Variants in PCDH1 observed in about 807,000 individuals in gnomAD.
PCDH1 encodes protocadherin 1, also known as protocadherin-1.
Under a neutral mutation model 74.6 loss-of-function variants are expected in PCDH1, and 23 were observed. That is an observed-to-expected ratio of 0.31 (90% CI 0.22 to 0.44). The LOEUF (loss-of-function observed/expected upper bound fraction) is 0.44, where lower values mean the gene tolerates loss of function less well. Among genes scored for constraint, PCDH1 ranks in the 20% least tolerant of loss-of-function variants. The pLI is 1.00. For synonymous variants in PCDH1, 647 were observed against 686.1 expected (o/e 0.94, Z 0.89); for missense variants, 1,214 against 1,641.4 (o/e 0.74, Z 4.50).
intron 3 of PCDH1, chr5:141,862,991 C>T: frequency 7.9e-7 from 1 of 1,260,286 alleles, no homozygotes. Context: ...ACAGGTCTCT[C>T]CCCAGTGGGG....
intron 4 of PCDH1, 133 bp from the exon 5 acceptor site, chr5:141,854,569 C>T: frequency 2.4e-6 from 2 of 847,066 alleles, no homozygotes; most frequent in South Asian, 1.9e-5. Flanking sequence ...GCTGAACTCA[C>T]AGGCACACAC....
chr5:141,853,742 G>T lies in PCDH1; in HGVS notation c.*300C>A, dbSNP rs1439725490. On this transcript the variant is annotated 3_prime_UTR_variant, in exon 5 of 5. Coordinates refer to ENST00000287008, the MANE Select transcript of PCDH1 (RefSeq NM_032420.5). The stretch of plus-strand genomic sequence containing the variant: ...TCCACCATCTGCCCAAATCGAGGGG[G>T]TGCTCCCTGGAAGTCAAGGGAAGGA... The T allele has an allele frequency of 3.1e-6, 1 of 318,580 alleles. No homozygotes were observed. Among genetic ancestry groups the T allele is most frequent in the Middle Eastern group, 8.2e-4 (1 of 1,214 alleles). 19.7% of individuals were successfully genotyped at this position (318,580 alleles called of 1,614,324 possible). A position where few individuals can be genotyped will look rare whatever the true frequency, so the allele number is the denominator to read the frequency against.
At position 141,864,630 on chromosome 5, in the gene PCDH1, C is replaced by G. The variant is rs759753996; in HGVS notation, c.1701G>C (p.Lys567Asn). The change falls in exon 3 of 5, where the codon AAG becomes AAC. Residue 567 changes from lysine to asparagine, a missense_variant. This residue lies in a region of PCDH1 where 836 missense variants were observed against 1,182.2 expected (regional missense o/e 0.71). Transcript: ENST00000287008. This position sits in a 1 kb window ranked among gnomAD's most constrained non-coding sequence, Gnocchi z 5.9. ...ISPETGEIQV[K>N]TSLDREQRES... ...CCCGCTGTTCCCGATCCAGAGATGT[C>G]TTCACCTGGATCTCTCCAGTCTCGG... The G allele has an allele frequency of 4.3e-6, 7 of 1,613,712 alleles. No homozygotes were observed. Among genetic ancestry groups the G allele is most frequent in the Non-Finnish European group, 5.9e-6 (7 of 1,180,036 alleles).
At chr5:141,875,723 G>C (rs548514333) in intron 1 of PCDH1, among the ~76,000 whole-genome samples, 2 of 152,278 alleles carry the variant, frequency 1.3e-5, no homozygotes, top group African/African-American at 4.8e-5. Context: ...AATGCGGCCA[G>C]AACTGAATCC....
Position 141,853,973 on chromosome 5 carries a change from G to A in PCDH1, c.*69C>T. Reference sequence around the variant, plus strand: ...CCACGCTGAAGGGGTGGAGAGTGAGGCCCTGGAATGGGCCATTTGGGAGCT... The same window carrying A: ...CCACGCTGAAGGGGTGGAGAGTGAGACCCTGGAATGGGCCATTTGGGAGCT... On this transcript the variant is annotated 3_prime_UTR_variant, in exon 5 of 5. Transcript: ENST00000287008. 1.5e-6 allele frequency: 2 copies of A among 1,357,716 alleles called. No homozygotes were observed. The highest frequency in any genetic ancestry group is 5.0e-5 in the East Asian group (2 of 40,310). The allele number at this position is 1,357,716 out of a possible 1,614,324, so 84.1% of individuals were successfully genotyped here. A position where few individuals can be genotyped will look rare whatever the true frequency, so the allele number is the denominator to read the frequency against.
chr5:141,857,839 TC>T (rs1372010919), intron 3 of PCDH1, among the ~76,000 whole-genome samples: 2 of 152,090 alleles, frequency 1.3e-5, no homozygotes, highest in African/African-American at 4.8e-5. Flanking sequence ...CTCCCTTTAA[TC>T]CCAGAATGAC....
chr5:141,867,644 C>T (rs1303224735), intron 2 of PCDH1: 1 of 445,166 alleles, frequency 2.2e-6, no homozygotes, highest in African/African-American at 2.1e-5. Flanking sequence ...CTGAAACTCC[C>T]ACCCATCTCC....
chr5:141,864,702 G>A lies in PCDH1; in HGVS notation c.1629C>T (p.Tyr543=), dbSNP rs1469831153. Residue 543 remains tyrosine (Y), a synonymous_variant, in exon 3 of 5, where the codon TAC becomes TAT. Coordinates refer to ENST00000287008, the MANE Select transcript of PCDH1 (RefSeq NM_032420.5). This position sits in a 1 kb window ranked among gnomAD's most constrained non-coding sequence, Gnocchi z 5.9. ...ADSGSNAELV[Y]SLEPEPAAKG... ...TAGCAGCCGGCTCAGGCTCCAGAGA[G>A]TAAACCAGCTCAGCATTAGAGCCAG... The A allele has an allele frequency of 6.2e-7, 1 of 1,614,194 alleles. No individual in the cohort carries two copies. Among genetic ancestry groups the A allele is most frequent in the Non-Finnish European group, 8.5e-7 (1 of 1,180,042 alleles).
rs908772761 is a variant in PCDH1 at position 141,868,427 on chromosome 5, C to T, written c.903+142G>A. The T allele has an allele frequency of 1.4e-6, 2 of 1,416,082 alleles. No individual in the cohort carries two copies. Among genetic ancestry groups the T allele is most frequent in the Admixed American group, 3.2e-5 (1 of 30,832 alleles). The allele number at this position is 1,416,082 out of a possible 1,614,324, so 87.7% of individuals were successfully genotyped here. On this transcript the variant is annotated intron_variant, in intron 2 of 4. Transcript: ENST00000287008. The surrounding 1 kb of genome is among the most constrained non-coding windows in gnomAD (Gnocchi z 4.8). ...CTGGGGTGGGGTGGGAAAGACTCCC[C>T]TGGCTGAGTTTGGGGAGAAGGGGTC...
chr5:141,871,821 T>C (rs534340003), intron 1 of PCDH1, among the ~76,000 whole-genome samples: 1 of 152,290 alleles, frequency 6.6e-6, no homozygotes, highest in Admixed American at 6.5e-5. Flanking sequence ...AGGCTTAGCC[T>C]TTCCTGGTAC....
At position 141,869,364 on chromosome 5, in the gene PCDH1, C is replaced by T. The variant is rs371831289; in HGVS notation, c.108G>A (p.Arg36=). The T allele has an allele frequency of 5.0e-6, 8 of 1,596,466 alleles. No homozygotes were observed. The highest frequency in any genetic ancestry group is 6.8e-6 in the Non-Finnish European group (8 of 1,175,076). Residue 36 remains arginine (R), a synonymous_variant, in exon 2 of 5, where the codon CGG becomes CGA. Transcript: ENST00000287008. This position sits in a 1 kb window ranked among gnomAD's most constrained non-coding sequence, Gnocchi z 4.9. ...CTAGCAGCATGGAGGGCAGCAGTAG[C>T]CGTTGCCCCCCAGGGCCTGGGCTGT... ...LRHSPGPGGQ[R]LLLPSMLLAL...
chr5:141,865,086 G>A lies in PCDH1; in HGVS notation c.1245C>T (p.Ala415=). ...SEDVAEETAV[A]LVQVSDRDEG... ...CATCTCGGTCAGACACCTGCACCAG[G>A]GCCACAGCTGTCTCCTCTGCCACAT... Residue 415 remains alanine (A), a synonymous_variant, in exon 3 of 5, where the codon GCC becomes GCT. Coordinates refer to ENST00000287008, the MANE Select transcript of PCDH1 (RefSeq NM_032420.5). The surrounding 1 kb of genome is among the most constrained non-coding windows in gnomAD (Gnocchi z 4.4). The A allele has an allele frequency of 6.2e-7, 1 of 1,614,112 alleles. No homozygotes were observed. The highest frequency in any genetic ancestry group is 1.1e-5 in the South Asian group (1 of 91,070).
At position 141,876,527 on chromosome 5, in the gene PCDH1, C is replaced by T. The variant is rs2126835081; in HGVS notation, c.40+1696G>A. 3.3e-5 allele frequency among the ~76,000 whole-genome samples: 5 copies of T among 152,372 alleles called. No individual in the cohort carries two copies. The Middle Eastern group carries it at 0.017, about 518-fold the overall frequency. ...TGCCCTACGCTCAATCCTCCAAGGC[C>T]TCAGTGCCGCCCCCAGTCTTTCCTG... On this transcript the variant is annotated intron_variant, in intron 1 of 4. Transcript: ENST00000287008.
At position 141,874,215 on chromosome 5, in the gene PCDH1, C is replaced by T. The variant is rs182349233; in HGVS notation, c.40+4008G>A. Among the ~76,000 whole-genome samples the T allele has an allele frequency of 3.8e-4, 58 of 152,288 alleles. 2 individuals carry two copies. The East Asian group carries it at 8.7e-3, about 23-fold the overall frequency. On this transcript the variant is annotated intron_variant, in intron 1 of 4. Coordinates refer to ENST00000287008, the MANE Select transcript of PCDH1 (RefSeq NM_032420.5). Reference sequence around the variant, plus strand: ...GGCTGCTGCTGTTCACCCAGGGGCCCGTAGAAATGCAGGAAGAGAGCCAGG... The same window carrying T: ...GGCTGCTGCTGTTCACCCAGGGGCCTGTAGAAATGCAGGAAGAGAGCCAGG...
Position 141,868,069 on chromosome 5 carries a change from C to T in PCDH1, c.903+500G>A, listed in dbSNP as rs1752927656. On this transcript the variant is annotated intron_variant, in intron 2 of 4. Transcript: ENST00000287008. The surrounding 1 kb of genome is among the most constrained non-coding windows in gnomAD (Gnocchi z 4.8). ...TTTTTTCAGAACTCTGAGGGTCCCA[C>T]CTGGCTAAAATGATCTCATCTGACT... is the stretch of plus-strand genomic sequence containing the variant. Among the ~76,000 whole-genome samples the T allele has an allele frequency of 6.6e-6, 1 of 152,218 alleles. No individual in the cohort carries two copies. The highest frequency in any genetic ancestry group is 1.5e-5 in the Non-Finnish European group (1 of 68,050).
At chr5:141,857,205 G>A in intron 4 of PCDH1, 47 bp downstream of exon 4, 2 of 1,445,814 alleles carry the variant, frequency 1.4e-6, no homozygotes, top group Admixed American at 2.2e-5. Context: ...CCATTCCCAG[G>A]CTTCCACTCA....
intron 1 of PCDH1, among the ~76,000 whole-genome samples, chr5:141,871,757 G>A (rs1480781924): frequency 2.6e-5 from 4 of 152,194 alleles, no homozygotes; most frequent in African/African-American, 9.7e-5. Context: ...CCCTGGACCT[G>A]GCACACAGTG....
intron 3 of PCDH1, among the ~76,000 whole-genome samples, chr5:141,862,202 C>T (rs959172517): frequency 3.3e-5 from 5 of 152,086 alleles, no homozygotes; most frequent in African/African-American, 1.2e-4. Flanking sequence ...CTGGTGTAAT[C>T]AAGAGGTTCT....
In PCDH1 at chr5:141,869,645, G is replaced by A. The variant is rs2126828626; in HGVS notation, c.41-214C>T. 1.7e-5 allele frequency: 26 copies of A among 1,533,234 alleles called. No homozygotes were observed. The highest frequency in any genetic ancestry group is 2.1e-5 in the Non-Finnish European group (24 of 1,145,828). 95.0% of individuals were successfully genotyped at this position (1,533,234 alleles called of 1,614,324 possible). On this transcript the variant is annotated intron_variant, in intron 1 of 4. Transcript: ENST00000287008. The surrounding 1 kb of genome is among the most constrained non-coding windows in gnomAD (Gnocchi z 4.9). ...GCAGCAGTGTCTGCCCCAGCTGGAG[G>A]AGCCAGTAAGAGGCCTGGCATGCCT...
Sources: gnomAD v4.1 joint callset for allele counts (sites outside exome capture counted in the v4.1 genomes callset) on GRCh38, gnomAD v4.1.1 for gene constraint, gnomAD v4.1.1 regional missense constraint, Gnocchi (gnomAD v3.1) non-coding constraint, MANE v1.5 for transcripts, NCBI Gene and HGNC (gene_info 2026-07-23, HGNC 2026-07-21) for gene names.